Variants in ZEB1 observed in about 807,000 individuals in gnomAD.
ZEB1 encodes zinc finger E-box-binding homeobox 1.
Under a neutral mutation model 84.9 loss-of-function variants are expected in ZEB1, and 21 were observed. The ratio of observed to expected loss-of-function variants is 0.25; its 90% CI spans 0.18 to 0.36. ZEB1 has a LOEUF of 0.36. Among genes scored for constraint, ZEB1 ranks in the 10% least tolerant of loss-of-function variants. The pLI is 1.00. For missense variants in ZEB1, 1,104 were observed against 1,330.2 expected (o/e 0.83, Z 2.65); for synonymous variants, 420 against 471.1 (o/e 0.89, Z 1.41).
Position 31,408,065 on chromosome 10 carries a change from T to A in ZEB1, c.59-52972T>A, listed in dbSNP as rs962680001. Among the ~76,000 whole-genome samples, 29 of 151,844 alleles carry A rather than the reference T, an allele frequency of 1.9e-4. No homozygotes were observed. The South Asian group carries it at 3.5e-3, about 19-fold the overall frequency. ...GCAAAGTCTCAGGATACAAAATCAA[T>A]GTACAAAAATCACAAGCATTCTTAT... On this transcript the variant is annotated intron_variant, in intron 1 of 8. Coordinates refer to ENST00000424869, the MANE Select transcript of ZEB1 (RefSeq NM_001174096.2).
intron 3 of ZEB1, among the ~76,000 whole-genome samples, chr10:31,500,106 T>G (rs1030075483): frequency 2.0e-5 from 3 of 152,052 alleles, no homozygotes; most frequent in Non-Finnish European, 4.4e-5. Context: ...TTGAAATAAA[T>G]ATTTTATAAT....
At chr10:31,363,439 G>T in intron 1 of ZEB1, 1 of 1,534,234 alleles carries the variant, frequency 6.5e-7, no homozygotes, top group Non-Finnish European at 8.7e-7. Context: ...CAAGGGCCTG[G>T]GATTGTACCA....
intron 1 of ZEB1, among the ~76,000 whole-genome samples, chr10:31,401,867 G>GTTATTTTAAAATTTATTA (rs1204178270): frequency 2.6e-5 from 4 of 152,014 alleles, no homozygotes; most frequent in Non-Finnish European, 5.9e-5. Context: ...CAGTGGAGAT[G>GTTATTTTAAAATTTATTA]TTATTTTAAA....
chr10:31,460,096 A>G (rs1416667688), intron 1 of ZEB1, among the ~76,000 whole-genome samples: 2 of 152,012 alleles, frequency 1.3e-5, no homozygotes, highest in Admixed American at 1.3e-4. Context: ...TCTAGTGACC[A>G]TACCCAATGA....
At chr10:31,426,535 G>A (rs1271990898) in intron 1 of ZEB1, among the ~76,000 whole-genome samples, 2 of 152,130 alleles carry the variant, frequency 1.3e-5, no homozygotes, top group Admixed American at 6.5e-5. Flanking sequence ...ACTTTATAAC[G>A]CTAGAGTAGT....
chr10:31,371,410 G>A (rs537241879), intron 1 of ZEB1, among the ~76,000 whole-genome samples: 1 of 152,172 alleles, frequency 6.6e-6, no homozygotes, highest in African/African-American at 2.4e-5. Flanking sequence ...CTCCCAGAGT[G>A]AGGACATGAA....
At chr10:31,356,686 T>G (rs2042181093) in intron 1 of ZEB1, among the ~76,000 whole-genome samples, 1 of 152,168 alleles carries the variant, frequency 6.6e-6, no homozygotes, top group Non-Finnish European at 1.5e-5. Flanking sequence ...TACCTATGGC[T>G]GTTACTAGCC....
intron 1 of ZEB1, among the ~76,000 whole-genome samples, chr10:31,418,884 T>C (rs2055665315): frequency 6.6e-6 from 1 of 152,082 alleles, no homozygotes; most frequent in South Asian, 2.1e-4. Context: ...AAATGCTCAG[T>C]GGAACATTTT....
At chr10:31,508,563 G>A (rs368186581) in intron 4 of ZEB1, among the ~76,000 whole-genome samples, 123 of 152,222 alleles carry the variant, frequency 8.1e-4, no homozygotes, top group African/African-American at 2.9e-3. Context: ...AACAGTGTTG[G>A]ACTGGGCTGG....
At chr10:31,362,623 G>T (rs141698209) in intron 1 of ZEB1, among the ~76,000 whole-genome samples, 1 of 150,212 alleles carries the variant, frequency 6.7e-6, no homozygotes, top group African/African-American at 2.5e-5. Context: ...GGGCAGAGGC[G>T]CTCCTCACTG....
rs1450288395 is a variant in ZEB1 at position 31,487,987 on chromosome 10, T to C, written c.260-7789T>C. On this transcript the variant is annotated intron_variant, in intron 2 of 8. Transcript: ENST00000424869. Reference sequence around the variant, plus strand: ...GCCTCACTTTATCATTTTCTTTTTGTATATTGCTAATATTTTGTTGAAGAT... The same window carrying C: ...GCCTCACTTTATCATTTTCTTTTTGCATATTGCTAATATTTTGTTGAAGAT... 1.3e-5 allele frequency among the ~76,000 whole-genome samples: 2 copies of C among 151,346 alleles called. 1 individual carries two copies. Among genetic ancestry groups the C allele is most frequent in the Non-Finnish European group, 3.0e-5 (2 of 67,504 alleles).
At chr10:31,385,386 T>C (rs1044907920) in intron 1 of ZEB1, among the ~76,000 whole-genome samples, 6 of 152,228 alleles carry the variant, frequency 3.9e-5, no homozygotes, top group African/African-American at 1.4e-4. Context: ...TTATAAATAG[T>C]TGTTTCTTCT....
chr10:31,368,882 A>G (rs1410803124), intron 1 of ZEB1, among the ~76,000 whole-genome samples: 3 of 152,198 alleles, frequency 2.0e-5, no homozygotes, highest in African/African-American at 7.2e-5. Flanking sequence ...GAATGATTTT[A>G]GGTGTTGCCT....
At chr10:31,387,575 G>A (rs1315696566) in intron 1 of ZEB1, 5 of 305,068 alleles carry the variant, frequency 1.6e-5, no homozygotes, top group African/African-American at 2.3e-5. Flanking sequence ...AATTTTTCTT[G>A]TATGTCTTGA....
intron 1 of ZEB1, among the ~76,000 whole-genome samples, chr10:31,323,964 C>CGTGTGTGT (rs3057772): frequency 1.6e-4 from 24 of 146,286 alleles, no homozygotes; most frequent in African/African-American, 4.0e-4. Flanking sequence ...CATGGTTCTT[C>CGTGTGTGT]GTGTGTGTGT....
chr10:31,475,711 A>G (rs906429945), intron 2 of ZEB1, among the ~76,000 whole-genome samples: 2 of 152,166 alleles, frequency 1.3e-5, no homozygotes, highest in Non-Finnish European at 1.5e-5. Flanking sequence ...TTGAAGGAGA[A>G]ATAGTCTTTC....
In ZEB1 at chr10:31,457,875, G is replaced by A. The variant is rs528945789; in HGVS notation, c.59-3162G>A. ...AGCCCAAAATACTCTAGATATAAAT[G>A]TGTTAAATGTGCAATCCAAGGTCAA... On this transcript the variant is annotated intron_variant, in intron 1 of 8. Coordinates refer to ENST00000424869, the MANE Select transcript of ZEB1 (RefSeq NM_001174096.2). Among the ~76,000 whole-genome samples the A allele has an allele frequency of 4.5e-4, 68 of 152,226 alleles. 1 individual carries two copies. Among genetic ancestry groups the A allele is most frequent in the African/African-American group, 1.6e-3 (65 of 41,542 alleles).
intron 1 of ZEB1, among the ~76,000 whole-genome samples, chr10:31,376,920 C>G (rs1315396811): frequency 6.6e-6 from 1 of 151,310 alleles, no homozygotes; most frequent in African/African-American, 2.4e-5. Context: ...AAAATACATA[C>G]AATATATATT....
intron 1 of ZEB1, among the ~76,000 whole-genome samples, chr10:31,331,652 G>T (rs1300861819): frequency 6.6e-6 from 1 of 152,170 alleles, no homozygotes; most frequent in Non-Finnish European, 1.5e-5. Context: ...GCATAGAGGG[G>T]ATGGTGCTTA....
Sources: gnomAD v4.1 joint callset for allele counts (sites outside exome capture counted in the v4.1 genomes callset) on GRCh38, gnomAD v4.1.1 for gene constraint, MANE v1.5 for transcripts, NCBI Gene and HGNC (gene_info 2026-07-23, HGNC 2026-07-21) for gene names.